LSP1: variants seen among roughly 807,000 people sequenced by gnomAD.
LSP1 encodes lymphocyte-specific protein 1.
Under a neutral mutation model 49.3 loss-of-function variants are expected in LSP1, and 32 were observed. The ratio of observed to expected loss-of-function variants is 0.65; its 90% CI spans 0.49 to 0.87. LSP1 has a LOEUF of 0.87. Ranked by LOEUF, LSP1 falls within the 40% of genes least tolerant of loss-of-function variation. LSP1 has a pLI of 0.00. For missense variants in LSP1, 428 were observed against 442.6 expected (o/e 0.97, Z 0.30); for synonymous variants, 179 against 178.8 (o/e 1.00, Z -0.01).
In LSP1 at chr11:1,883,634, C is replaced by A. The variant is rs546038076; in HGVS notation, c.498+74C>A. On this transcript the variant is annotated intron_variant, in intron 4 of 10. Transcript: ENST00000311604. ...GAGTCTGCCTTGGCTGTCTGCACCACTCTGTGGGCCCTGTGGGTCTAGCCC... is the reference window on the plus strand; with the variant it reads ...GAGTCTGCCTTGGCTGTCTGCACCAATCTGTGGGCCCTGTGGGTCTAGCCC... 180 of 1,516,042 alleles carry A rather than the reference C, an allele frequency of 1.2e-4. 1 individual carries two copies. The South Asian group carries it at 1.5e-3, about 13-fold the overall frequency. 93.9% of individuals were successfully genotyped at this position (1,516,042 alleles called of 1,614,324 possible).
At chr11:1,887,159 G>A (rs904821386) in intron 8 of LSP1, 78 bp from the exon 9 acceptor site, 53 of 1,341,184 alleles carry the variant, frequency 4.0e-5, no homozygotes, top group Middle Eastern at 5.2e-4. Flanking sequence ...AAGGCAAGGC[G>A]GGAGAGAAGG....
chr11:1,861,709 G>A (rs1847636376), intron 1 of LSP1, among the ~76,000 whole-genome samples: 1 of 150,574 alleles, frequency 6.6e-6, no homozygotes, highest in African/African-American at 2.4e-5. Flanking sequence ...ATGGATGGAT[G>A]GATGGATGGA....
At chr11:1,881,323 C>T in intron 2 of LSP1, 109 bp from the exon 3 acceptor site, 1 of 1,107,562 alleles carries the variant, frequency 9.0e-7, no homozygotes. Flanking sequence ...CAGACAGGGT[C>T]TCCCACACTT....
At position 1,880,092 on chromosome 11, in the gene LSP1, C is replaced by T; in HGVS notation, c.59C>T (p.Thr20Ile). ...AEEREELLGP[T>I]AQWSVEDEEE... ...CCCTCTGTGTCCCCCACTAGGCCCACTGCTCAGTGGAGCGTGGAGGACGAG... is the reference window on the plus strand; with the variant it reads ...CCCTCTGTGTCCCCCACTAGGCCCATTGCTCAGTGGAGCGTGGAGGACGAG... Residue 20 changes from threonine to isoleucine, a missense_variant, in exon 2 of 11, where the codon ACT (threonine) becomes ATT (isoleucine). Transcript: ENST00000311604. 6.2e-7 allele frequency: 1 copy of T among 1,609,626 alleles called. No individual in the cohort carries two copies.
At chr11:1,869,138 C>A in intron 1 of LSP1, 1 of 483,860 alleles carries the variant, frequency 2.1e-6, no homozygotes, top group Non-Finnish European at 2.8e-6. Flanking sequence ...CTGCCCCAGG[C>A]TCCAAGTGGG....
intron 1 of LSP1, chr11:1,876,364 G>T (rs776778464): frequency 1.2e-4 from 99 of 819,772 alleles, no homozygotes; most frequent in Non-Finnish European, 1.5e-4. Context: ...GCCCAGCCCA[G>T]CTCCCCAGGC....
chr11:1,890,242 G>C (rs937107081), intron 10 of LSP1: 3 of 716,374 alleles, frequency 4.2e-6, no homozygotes. Flanking sequence ...GGGGTGTGCG[G>C]GGAGCGGGGT....
At chr11:1,876,439 C>T (rs764857066) in intron 1 of LSP1, 258 of 985,310 alleles carry the variant, frequency 2.6e-4, no homozygotes, top group Non-Finnish European at 3.0e-4. Context: ...AGCTCCCCCT[C>T]CCCTCGACAT....
At chr11:1,880,277 G>A in intron 2 of LSP1, 53 bp downstream of exon 2, 7 of 1,494,376 alleles carry the variant, frequency 4.7e-6, no homozygotes, top group African/African-American at 1.4e-5. Context: ...CGTGTACCCT[G>A]GGGCCTGGGC....
At chr11:1,873,983 G>A (rs1380631284) in intron 1 of LSP1, among the ~76,000 whole-genome samples, 1 of 136,250 alleles carries the variant, frequency 7.3e-6, no homozygotes, top group Non-Finnish European at 1.6e-5. Context: ...GAGGGAGGCC[G>A]GCGGAGGAGG....
chr11:1,887,914 T>A (rs906189138), intron 10 of LSP1, among the ~76,000 whole-genome samples: 1 of 152,036 alleles, frequency 6.6e-6, no homozygotes, highest in South Asian at 2.1e-4. Context: ...AGGGCTAGCA[T>A]TGAAGGAAGC....
At chr11:1,866,693 T>C (rs904802696) in intron 1 of LSP1, 4 of 1,550,422 alleles carry the variant, frequency 2.6e-6, no homozygotes, top group Non-Finnish European at 3.5e-6. Context: ...GGGACGCTGC[T>C]GTCCACCAGG....
chr11:1,870,956 C>T (rs1220153957), intron 1 of LSP1: 23 of 985,700 alleles, frequency 2.3e-5, no homozygotes, highest in Middle Eastern at 5.2e-4. Flanking sequence ...GAGGCGCAGC[C>T]GGGCTGTCGG....
intron 1 of LSP1, chr11:1,863,276 C>T (rs1245694862): frequency 6.6e-6 from 1 of 152,392 alleles, no homozygotes; most frequent in East Asian, 1.9e-4. Context: ...CTCAGTGTTC[C>T]CAAGGTGCTG....
At position 1,890,663 on chromosome 11, in the gene LSP1, G is replaced by A. The variant is rs570562690; in HGVS notation, c.*14-1110G>A. On this transcript the variant is annotated intron_variant, in intron 10 of 10. Coordinates refer to ENST00000311604, the MANE Select transcript of LSP1 (RefSeq NM_002339.3). ...GAGGTGGGAGGCCTGTGTCTCCTGT[G>A]GTCCAAGGAGGACCTGGGGCCAGGG... The A allele has an allele frequency of 4.5e-5, 29 of 644,060 alleles. No individual in the cohort carries two copies. In the South Asian group the frequency reaches 4.7e-4, roughly 11 times the overall value. The allele number at this position is 644,060 out of a possible 1,614,324, so 39.9% of individuals were successfully genotyped here. A position where few individuals can be genotyped will look rare whatever the true frequency, so the allele number is the denominator to read the frequency against.
intron 1 of LSP1, among the ~76,000 whole-genome samples, chr11:1,874,510 C>T (rs1228686338): frequency 3.3e-5 from 5 of 152,114 alleles, no homozygotes; most frequent in South Asian, 2.1e-4. Flanking sequence ...CCAGCAGGCC[C>T]GGCACCCAGG....
intron 1 of LSP1, among the ~76,000 whole-genome samples, chr11:1,878,328 AG>A (rs1485609769): frequency 2.0e-5 from 3 of 152,222 alleles, no homozygotes; most frequent in Non-Finnish European, 4.4e-5. Flanking sequence ...AAGGCCCAGC[AG>A]CCCCCAGCCA....
intron 1 of LSP1, among the ~76,000 whole-genome samples, chr11:1,874,199 T>TGTC (rs1848208000): frequency 2.9e-5 from 1 of 34,216 alleles, no homozygotes; most frequent in African/African-American, 1.4e-4. Flanking sequence ...GGGGGCAGGC[T>TGTC]GGGGACAGTG....
chr11:1,865,070 T>C, intron 1 of LSP1: 1 of 342,152 alleles, frequency 2.9e-6, no homozygotes, highest in Non-Finnish European at 4.1e-6. Flanking sequence ...CAAGGAGAGC[T>C]GGGCACAGGG....
Sources: allele counts gnomAD v4.1 joint callset (sites outside exome capture counted in the v4.1 genomes callset), GRCh38; gene constraint gnomAD v4.1.1; transcripts MANE v1.5; gene names NCBI Gene and HGNC (gene_info 2026-07-23, HGNC 2026-07-21).